The following CNTRL variants were observed in gnomAD, a reference collection of about 807,000 sequenced individuals.
CNTRL encodes the protein centriolin.
Under a neutral mutation model 303.7 loss-of-function variants are expected in CNTRL, and 233 were observed. That is an observed-to-expected ratio of 0.77 (90% CI 0.69 to 0.86). CNTRL has a LOEUF of 0.86. Ranked by LOEUF, CNTRL falls within the 40% of genes least tolerant of loss-of-function variation. The pLI, the probability that CNTRL is intolerant of heterozygous loss-of-function variation, is 0.00. For synonymous variants in CNTRL, 900 were observed against 922.2 expected, an observed-to-expected ratio of 0.98 and a Z score of 0.44; for missense variants, 2,524 against 2,650.6, an observed-to-expected ratio of 0.95 and a Z score of 1.05.
Position 121,138,169 on chromosome 9 carries a change from T to C in CNTRL, c.2203-376T>C, listed in dbSNP as rs143446384. Among the ~76,000 whole-genome samples the C allele has an allele frequency of 3.2e-4, 48 of 152,314 alleles. No individual in the cohort carries two copies. In the East Asian group the frequency reaches 9.3e-3, roughly 29 times the overall value. On this transcript the variant is annotated intron_variant, in intron 15 of 43. Coordinates refer to ENST00000373855, the MANE Select transcript of CNTRL (RefSeq NM_007018.6). ...TAGGTGTCTGCATTTTTAACAGACATACCTAGTGTTGATACAGTTTTTTTG... is the reference window on the plus strand; with the variant it reads ...TAGGTGTCTGCATTTTTAACAGACACACCTAGTGTTGATACAGTTTTTTTG...
At chr9:121,133,591 C>T (rs948072451) in intron 14 of CNTRL, among the ~76,000 whole-genome samples, 3 of 152,200 alleles carry the variant, frequency 2.0e-5, no homozygotes, top group South Asian at 2.1e-4. Context: ...GGAAATCCCC[C>T]GACGCCTTGC....
At chr9:121,139,170 G>T (rs532193015) in intron 16 of CNTRL, among the ~76,000 whole-genome samples, 1 of 152,276 alleles carries the variant, frequency 6.6e-6, no homozygotes, top group South Asian at 2.1e-4. Context: ...TTATTTGTGG[G>T]AATGTATGTC....
rs1564288542 is a variant in CNTRL at position 121,157,804 on chromosome 9, G to C, written c.4561G>C (p.Glu1521Gln). The C allele has an allele frequency of 6.2e-7, 1 of 1,614,130 alleles. No individual in the cohort carries two copies. The highest frequency in any genetic ancestry group is 1.7e-5 in the Admixed American group (1 of 60,012). Residue 1521 changes from glutamate (E) to glutamine (Q), a missense_variant, in exon 29 of 44, where the codon GAA becomes CAA. Glu to Gln is a conservative substitution (Grantham distance 29). Transcript: ENST00000373855. ...HKIKQEEILK[E>Q]INKIVAAKDS... Reference sequence around the variant, plus strand: ...AATCAAGCAAGAAGAAATCTTGAAAGAAATAAACAAAATTGTAGCAGCAAA... The same window carrying C: ...AATCAAGCAAGAAGAAATCTTGAAACAAATAAACAAAATTGTAGCAGCAAA...
chr9:121,108,922 T>G (rs568702589), intron 8 of CNTRL, among the ~76,000 whole-genome samples: 4 of 152,356 alleles, frequency 2.6e-5, no homozygotes, highest in East Asian at 3.8e-4. Flanking sequence ...TTTCCATGCT[T>G]CTTATACAGT....
At chr9:121,106,707 C>T (rs566976565) in intron 7 of CNTRL, among the ~76,000 whole-genome samples, 1 of 152,104 alleles carries the variant, frequency 6.6e-6, no homozygotes, top group East Asian at 1.9e-4. Context: ...TAGTTTTAGT[C>T]TGTTTTGACC....
At chr9:121,111,426 C>T (rs1222217222) in intron 8 of CNTRL, among the ~76,000 whole-genome samples, 1 of 152,110 alleles carries the variant, frequency 6.6e-6, no homozygotes, top group African/African-American at 2.4e-5. Flanking sequence ...CTATTACTTC[C>T]ATTTTGATGG....
intron 7 of CNTRL, among the ~76,000 whole-genome samples, chr9:121,101,914 C>T (rs867250138): frequency 6.6e-6 from 1 of 152,150 alleles, no homozygotes; most frequent in South Asian, 2.1e-4. Context: ...AATTAAGAGC[C>T]TGCCAACCCA....
Position 121,123,912 on chromosome 9 carries a change from AT to A in CNTRL, c.1651-8del, listed in dbSNP as rs553380012. On this transcript the variant is annotated intron_variant, in intron 12 of 43. Transcript: ENST00000373855. ...GTTTAAGGAACTTGGAGTTTTGTTG[AT>A]TTTTTTTTTTAATTCAGTCCCATAT... is the stretch of plus-strand genomic sequence containing the variant. 0.019 allele frequency: 21,255 copies of A among 1,147,226 alleles called. No homozygotes were observed. The highest frequency in any genetic ancestry group is 0.037 in the South Asian group (2,199 of 58,858). The allele number at this position is 1,147,226 out of a possible 1,614,324, so 71.1% of individuals were successfully genotyped here.
At chr9:121,149,411 T>C (rs2052080814) in intron 24 of CNTRL, among the ~76,000 whole-genome samples, 1 of 151,676 alleles carries the variant, frequency 6.6e-6, no homozygotes. Flanking sequence ...GTTTTTTGTT[T>C]TTTTTTTTGA....
chr9:121,136,716 T>G (rs1001968396), intron 15 of CNTRL, among the ~76,000 whole-genome samples: 1 of 152,170 alleles, frequency 6.6e-6, no homozygotes, highest in Non-Finnish European at 1.5e-5. Flanking sequence ...AGAAAACATA[T>G]CCAATAAATA....
chr9:121,138,004 C>G (rs959050786), intron 15 of CNTRL, among the ~76,000 whole-genome samples: 1 of 152,140 alleles, frequency 6.6e-6, no homozygotes, highest in Non-Finnish European at 1.5e-5. Flanking sequence ...GATCTCCTGT[C>G]TCTGATCTGA....
intron 9 of CNTRL, 73 bp downstream of exon 9, chr9:121,112,651 G>A: frequency 2.1e-6 from 3 of 1,455,070 alleles, no homozygotes; most frequent in South Asian, 1.2e-5. Context: ...GGCAGGTGGT[G>A]AGGACATGTA....
rs375333441 is a variant in CNTRL, at chr9:121,173,657, A to G, written c.6685-18A>G. The stretch of plus-strand genomic sequence containing the variant: ...GCAGCAGATGATTCATGATATCTCT[A>G]TTTTCCCTCTGAGAAAGGATGAACA... On this transcript the variant is annotated intron_variant, in intron 41 of 43. Transcript: ENST00000373855. 8.0e-5 allele frequency: 129 copies of G among 1,613,806 alleles called. No individual in the cohort carries two copies. Among genetic ancestry groups the G allele is most frequent in the Middle Eastern group, 1.6e-4 (1 of 6,084 alleles).
At chr9:121,076,043 C>T (rs2047909906) in intron 1 of CNTRL, among the ~76,000 whole-genome samples, 1 of 152,278 alleles carries the variant, frequency 6.6e-6, no homozygotes, top group Middle Eastern at 3.4e-3. Flanking sequence ...TAGTACAGTC[C>T]TTCAGTCAAC....
At chr9:121,138,004 C>T (rs959050786) in intron 15 of CNTRL, among the ~76,000 whole-genome samples, 2 of 152,140 alleles carry the variant, frequency 1.3e-5, no homozygotes, top group African/African-American at 4.8e-5. Context: ...GATCTCCTGT[C>T]TCTGATCTGA....
chr9:121,133,144 T>C (rs2050969505), intron 14 of CNTRL, among the ~76,000 whole-genome samples: 1 of 152,220 alleles, frequency 6.6e-6, no homozygotes, highest in South Asian at 2.1e-4. Context: ...GCTCAAACAC[T>C]GTGCTGGGAG....
At chr9:121,148,274 CAA>C (rs1197738644) in intron 23 of CNTRL, among the ~76,000 whole-genome samples, 1 of 151,988 alleles carries the variant, frequency 6.6e-6, no homozygotes, top group South Asian at 2.1e-4. Flanking sequence ...AAAATTGTAC[CAA>C]AAGAGAGGAT....
intron 11 of CNTRL, among the ~76,000 whole-genome samples, chr9:121,116,913 G>A (rs2050002688): frequency 6.6e-6 from 1 of 152,092 alleles, no homozygotes; most frequent in Non-Finnish European, 1.5e-5. Flanking sequence ...GGTAGAGGGA[G>A]CTATCAAGAC....
rs1209232570 is a variant in CNTRL at position 121,150,340 on chromosome 9, C to T, written c.3820C>T (p.Arg1274Ter). The change falls in exon 25 of 44, where the codon CGA becomes TGA. Residue 1274 changes from arginine (R) to a stop codon, truncating the protein, a stop_gained. Transcript: ENST00000373855. LOFTEE classifies it high-confidence loss of function. Reference protein sequence around the residue: ...APPPPLPNNSRPLTPGTVVYG... With the variant: ...APPPPLPNNS ...ACCTCCTCCCTTGCCAAACAATAGC[C>T]GACCTCTCACCCCTGGCACTGTTGT... is the stretch of plus-strand genomic sequence containing the variant. 16 of 1,614,056 alleles carry T rather than the reference C, an allele frequency of 9.9e-6. No individual in the cohort carries two copies. The highest frequency in any genetic ancestry group is 2.7e-5 in the African/African-American group (2 of 74,920).
Sources: allele counts gnomAD v4.1 joint callset (sites outside exome capture counted in the v4.1 genomes callset), GRCh38; gene constraint gnomAD v4.1.1; transcripts MANE v1.5; gene names NCBI Gene and HGNC (gene_info 2026-07-23, HGNC 2026-07-21).